SPEN: variants seen among roughly 807,000 people sequenced by gnomAD.
The protein encoded by SPEN is msx2-interacting protein.
A neutral mutation model predicts 269.9 loss-of-function variants in SPEN; 18 were observed. The observed-to-expected ratio is 0.07, with a 90% CI of 0.05 to 0.10. SPEN has a LOEUF of 0.10. SPEN is among the 10% of genes least tolerant of loss of function. SPEN has a pLI of 1.00. For synonymous variants in SPEN, 1,726 were observed against 1,765.7 expected (o/e 0.98, Z 0.56); for missense variants, 3,822 against 4,631.2 (o/e 0.83, Z 5.07).
chr1:15,934,896 T>C lies in SPEN; in HGVS notation c.8656T>C (p.Leu2886=). Residue 2886 remains leucine (L), a synonymous_variant, in exon 11 of 15, where the codon TTG becomes CTG. Transcript: ENST00000375759. This position sits in a 1 kb window ranked among gnomAD's most constrained non-coding sequence, Gnocchi z 9.2. The part of the protein sequence containing the change: ...GYANVATHST[L]VLTAQTYNAS... Reference sequence around the variant, plus strand: ...TGCGAACGTGGCCACCCATTCCACGTTGGTACTGACCGCCCAGACATATAA... The same window carrying C: ...TGCGAACGTGGCCACCCATTCCACGCTGGTACTGACCGCCCAGACATATAA... 6.2e-7 allele frequency: 1 copy of C among 1,614,094 alleles called. No homozygotes were observed.
At chr1:15,894,876 G>C (rs370490635) in intron 3 of SPEN, among the ~76,000 whole-genome samples, 1 of 151,730 alleles carries the variant, frequency 6.6e-6, no homozygotes, top group South Asian at 2.1e-4. Flanking sequence ...CTTCAAAAAA[G>C]TTTTTTTAAA....
In SPEN at chr1:15,928,386, G is replaced by C; in HGVS notation, c.2146G>C (p.Asp716His). 6.2e-7 allele frequency: 1 copy of C among 1,614,180 alleles called. No homozygotes were observed. The highest frequency in any genetic ancestry group is 8.5e-7 in the Non-Finnish European group (1 of 1,180,034). ...AAGATTTGAGTCTGACCGGGACAGA[G>C]ACCATGAGAGGAGGCCGATTGAACG... ...RERFESDRDR[D>H]HERRPIERSQ... Residue 716 changes from aspartate to histidine, a missense_variant, in exon 11 of 15, where the codon GAC becomes CAC. Around this residue, in one of 16 missense-constraint regions of SPEN, gnomAD observed 572 missense variants for 582.6 expected, o/e 0.98. Transcript: ENST00000375759. The surrounding 1 kb of genome is among the most constrained non-coding windows in gnomAD (Gnocchi z 5.7).
At chr1:15,876,701 T>C (rs1252859141) in intron 3 of SPEN, 23 bp downstream of exon 3, 3 of 1,545,534 alleles carry the variant, frequency 1.9e-6, no homozygotes, top group Non-Finnish European at 2.7e-6. Context: ...CCTTTTGTTA[T>C]AACAGATGAG....
intron 1 of SPEN, among the ~76,000 whole-genome samples, chr1:15,853,066 G>A (rs1317227053): frequency 1.3e-5 from 2 of 152,040 alleles, no homozygotes; most frequent in South Asian, 2.1e-4. Flanking sequence ...GCCCAGCCCT[G>A]GTCTTGAACT....
intron 3 of SPEN, among the ~76,000 whole-genome samples, chr1:15,902,482 G>A (rs1013646634): frequency 1.3e-5 from 2 of 152,028 alleles, no homozygotes; most frequent in African/African-American, 2.4e-5. Context: ...ATGAGATGTG[G>A]AAGTATTATT....
intron 1 of SPEN, among the ~76,000 whole-genome samples, chr1:15,861,651 T>C (rs548828138): frequency 1.3e-5 from 2 of 151,950 alleles, no homozygotes; most frequent in Non-Finnish European, 2.9e-5. Flanking sequence ...CTTTTTTTTG[T>C]GGGGGGAGTA....
intron 1 of SPEN, among the ~76,000 whole-genome samples, chr1:15,855,769 A>G (rs1022126648): frequency 1.3e-5 from 2 of 151,666 alleles, no homozygotes; most frequent in Admixed American, 1.3e-4. Flanking sequence ...AGGCTGAGGC[A>G]GGAGAATCGC....
intron 1 of SPEN, among the ~76,000 whole-genome samples, chr1:15,871,212 C>T (rs2070569595): frequency 1.3e-5 from 2 of 152,316 alleles, no homozygotes; most frequent in Middle Eastern, 6.8e-3. Context: ...TCATGGTCTG[C>T]CTGCCTCAGC....
chr1:15,859,684 A>G (rs2070423621), intron 1 of SPEN, among the ~76,000 whole-genome samples: 1 of 151,890 alleles, frequency 6.6e-6, no homozygotes, highest in African/African-American at 2.4e-5. Context: ...AGGAACTTTC[A>G]TCACAGCTTT....
rs750131648 is a variant in SPEN, at chr1:15,930,981, G to T, written c.4741G>T (p.Val1581Phe). 2.7e-5 allele frequency: 44 copies of T among 1,614,080 alleles called. 1 individual carries two copies. The Admixed American group carries it at 6.3e-4, about 23-fold the overall frequency. The change falls in exon 11 of 15, where the codon GTT becomes TTT. Residue 1581 changes from valine (V) to phenylalanine (F), a missense_variant. By Grantham distance (50) the Val-to-Phe change is conservative. Around this residue, in one of 16 missense-constraint regions of SPEN, gnomAD observed 533 missense variants for 618.8 expected, o/e 0.86. Transcript: ENST00000375759. This position sits in a 1 kb window ranked among gnomAD's most constrained non-coding sequence, Gnocchi z 5.3. ...STTDSIQEPVVLFHSRFMELT... is the reference protein window; with the variant it reads ...STTDSIQEPVFLFHSRFMELT... ...AACTGATTCCATTCAAGAACCAGTA[G>T]TTCTGTTCCATAGCAGATTTATGGA...
Position 15,935,633 on chromosome 1 carries a change from C to G in SPEN, c.9393C>G (p.Val3131=). 2 of 1,614,128 alleles carry G rather than the reference C, an allele frequency of 1.2e-6. No homozygotes were observed. The highest frequency in any genetic ancestry group is 1.7e-6 in the Non-Finnish European group (2 of 1,180,010). Residue 3131 remains valine (V), a synonymous_variant, in exon 11 of 15, where the codon GTC becomes GTG. Transcript: ENST00000375759. The surrounding 1 kb of genome is among the most constrained non-coding windows in gnomAD (Gnocchi z 7.7). ...RAPLQPQQIE[V]RAPQRASTPQ... The stretch of plus-strand genomic sequence containing the variant: ...CGCTGCAGCCCCAGCAAATAGAGGT[C>G]AGGGCCCCACAGCGTGCCAGCACCC...
At position 15,935,593 on chromosome 1, in the gene SPEN, A is replaced by C. The variant is rs1570071342; in HGVS notation, c.9353A>C (p.His3118Pro). Residue 3118 changes from histidine to proline, a missense_variant, in exon 11 of 15, where the codon CAC becomes CCC. Coordinates refer to ENST00000375759, the MANE Select transcript of SPEN (RefSeq NM_015001.3). The surrounding 1 kb of genome is among the most constrained non-coding windows in gnomAD (Gnocchi z 7.7). ...TACAGCATCCGGCCAGAAGCGCTTC[A>C]CTCTCCTCGGGCTCCGCTGCAGCCC... Reference protein sequence around the residue: ...ITYSIRPEALHSPRAPLQPQQ... With the variant: ...ITYSIRPEALPSPRAPLQPQQ... The C allele has an allele frequency of 6.2e-7, 1 of 1,613,680 alleles. No homozygotes were observed. Among genetic ancestry groups the C allele is most frequent in the African/African-American group, 1.3e-5 (1 of 74,824 alleles).
At chr1:15,850,226 C>T (rs534022070) in intron 1 of SPEN, among the ~76,000 whole-genome samples, 3 of 152,222 alleles carry the variant, frequency 2.0e-5, no homozygotes, top group African/African-American at 7.2e-5. Flanking sequence ...CCTTGGAAAG[C>T]GGCAGTCTGG....
chr1:15,909,149 T>C (rs2070988728), intron 3 of SPEN, among the ~76,000 whole-genome samples, 172 bp from the exon 4 acceptor site: 1 of 152,230 alleles, frequency 6.6e-6, no homozygotes, highest in South Asian at 2.1e-4. Context: ...TGCATATTTA[T>C]TGTCTTCTGC....
intron 3 of SPEN, among the ~76,000 whole-genome samples, chr1:15,902,271 C>CT (rs2070909709): frequency 6.6e-6 from 1 of 152,092 alleles, no homozygotes; most frequent in Non-Finnish European, 1.5e-5. Context: ...TAGTTAGATT[C>CT]TCATAACCAA....
At chr1:15,864,677 C>A (rs1037819684) in intron 1 of SPEN, among the ~76,000 whole-genome samples, 4 of 136,724 alleles carry the variant, frequency 2.9e-5, no homozygotes, top group African/African-American at 1.1e-4. Flanking sequence ...GTGGTGTGAT[C>A]ATGCCCACTG....
intron 3 of SPEN, among the ~76,000 whole-genome samples, chr1:15,906,773 C>CTTTTTTTTT (rs1229092780): frequency 4.1e-5 from 4 of 96,508 alleles, no homozygotes; most frequent in Non-Finnish European, 5.9e-5. Context: ...ATGTTTTCAT[C>CTTTTTTTTT]TTTTTTTTTT....
At chr1:15,860,380 T>TGG (rs2070433115) in intron 1 of SPEN, among the ~76,000 whole-genome samples, 1 of 94,040 alleles carries the variant, frequency 1.1e-5, no homozygotes, top group South Asian at 2.9e-4. Context: ...GCTTCAGAGG[T>TGG]GTGTGTGTGT....
chr1:15,890,840 A>G (rs940171651), intron 3 of SPEN, among the ~76,000 whole-genome samples: 4 of 152,138 alleles, frequency 2.6e-5, no homozygotes, highest in Non-Finnish European at 2.9e-5. Flanking sequence ...TATTCTGGCC[A>G]TTTAATAGAA....
Sources: gnomAD v4.1 joint callset for allele counts (sites outside exome capture counted in the v4.1 genomes callset) on GRCh38, gnomAD v4.1.1 for gene constraint, gnomAD v4.1.1 regional missense constraint, Gnocchi (gnomAD v3.1) non-coding constraint, MANE v1.5 for transcripts, NCBI Gene and HGNC (gene_info 2026-07-23, HGNC 2026-07-21) for gene names.